HMGCLL1: variants seen among roughly 807,000 people sequenced by gnomAD.
HMGCLL1 encodes the protein 3-hydroxy-3-methylglutaryl-CoA lyase like 1, also known as 3-hydroxymethyl-3-methylglutaryl-CoA lyase, cytoplasmic.
HMGCLL1 carries 36 observed loss-of-function variants against 39.1 expected under a neutral mutation model. That is an observed-to-expected ratio of 0.92 (90% confidence interval 0.71 to 1.22). HMGCLL1 has a LOEUF of 1.22. HMGCLL1 is among the 50% of genes most tolerant of loss of function. HMGCLL1 has a pLI of 0.00. For synonymous variants in HMGCLL1, 149 were observed against 144.0 expected (o/e 1.03, Z -0.25); for missense variants, 451 against 416.5 (o/e 1.08, Z -0.72).
chr6:55,603,651 G>T, the HMGCLL1 span, among the ~76,000 whole-genome samples: 1 of 152,068 alleles, frequency 6.6e-6, no homozygotes, highest in Non-Finnish European at 1.5e-5. Flanking sequence ...GGGGAAAACT[G>T]GTAGTATCTT....
At chr6:55,486,475 C>T (rs914133709) in intron 7 of HMGCLL1, among the ~76,000 whole-genome samples, 11 of 152,032 alleles carry the variant, frequency 7.2e-5, no homozygotes, top group East Asian at 1.9e-4. Flanking sequence ...CTGTGGAAGA[C>T]GAACTCATTA....
At chr6:55,628,172 ATAC>A in the HMGCLL1 span, among the ~76,000 whole-genome samples, 32 of 46,858 alleles carry the variant, frequency 6.8e-4, 1 homozygote, top group African/African-American at 2.3e-3. Context: ...TATAGTATAT[ATAC>A]TATATATATA....
intron 7 of HMGCLL1, among the ~76,000 whole-genome samples, chr6:55,461,738 A>G (rs995982638): frequency 6.6e-6 from 1 of 152,148 alleles, no homozygotes; most frequent in Non-Finnish European, 1.5e-5. Flanking sequence ...TTTTAAATGT[A>G]GGTACACTTG....
At chr6:55,504,761 T>C (rs1767069495) in intron 5 of HMGCLL1, among the ~76,000 whole-genome samples, 1 of 151,750 alleles carries the variant, frequency 6.6e-6, no homozygotes, top group Admixed American at 6.6e-5. Flanking sequence ...ATTCAATTGC[T>C]ATTTCTTGTA....
At chr6:55,651,144 G>A in the HMGCLL1 span, among the ~76,000 whole-genome samples, 1 of 152,076 alleles carries the variant, frequency 6.6e-6, no homozygotes, top group Non-Finnish European at 1.5e-5. Context: ...CTGCAAATGT[G>A]CTGGGTCTCC....
At chr6:55,521,898 C>T (rs544315592) in intron 3 of HMGCLL1, among the ~76,000 whole-genome samples, 1 of 152,154 alleles carries the variant, frequency 6.6e-6, no homozygotes, top group East Asian at 1.9e-4. Flanking sequence ...AGGTGATAAA[C>T]CAGGCCTCTT....
chr6:55,582,850 A>G (rs1772008046), upstream of HMGCLL1, among the ~76,000 whole-genome samples: 1 of 152,042 alleles, frequency 6.6e-6, no homozygotes, highest in South Asian at 2.1e-4. Flanking sequence ...TATTGGCTGT[A>G]CGATACCTGT....
chr6:55,603,433 A>C, the HMGCLL1 span, among the ~76,000 whole-genome samples: 1 of 145,662 alleles, frequency 6.9e-6, no homozygotes, highest in African/African-American at 2.5e-5. Context: ...CTCTTGCTAC[A>C]CACAAATATC....
chr6:55,659,546 C>T, the HMGCLL1 span, among the ~76,000 whole-genome samples: 22 of 151,956 alleles, frequency 1.4e-4, no homozygotes, highest in East Asian at 4.1e-3. Context: ...GAAGGAAATG[C>T]AATTAGAAGA....
Position 55,514,088 on chromosome 6 carries a change from C to A in HMGCLL1, c.502G>T (p.Val168Phe). Residue 168 changes from valine to phenylalanine, a missense_variant, in exon 5 of 9, where the codon GTT becomes TTT. Physicochemically the swap from Val to Phe is conservative, Grantham distance 50. Transcript: ENST00000274901. ...IEESMGKFEE[V>F]VKSARHMNIP... Reference sequence around the variant, plus strand: ...TTCATGTGTCTTGCAGACTTAACAACCTCCTCAAATTTTCCCATACTTTCT... The same window carrying A: ...TTCATGTGTCTTGCAGACTTAACAAACTCCTCAAATTTTCCCATACTTTCT... The A allele has an allele frequency of 6.2e-7, 1 of 1,613,128 alleles. No individual in the cohort carries two copies.
chr6:55,646,877 G>A, the HMGCLL1 span, among the ~76,000 whole-genome samples: 1 of 151,962 alleles, frequency 6.6e-6, no homozygotes, highest in Non-Finnish European at 1.5e-5. Flanking sequence ...TGGATGAAAT[G>A]TTCTGATAAT....
the HMGCLL1 span, among the ~76,000 whole-genome samples, chr6:55,664,774 A>C: frequency 6.6e-6 from 1 of 151,694 alleles, no homozygotes; most frequent in Non-Finnish European, 1.5e-5. Context: ...TGCTAGGGCT[A>C]AAGGATACAC....
intron 7 of HMGCLL1, among the ~76,000 whole-genome samples, chr6:55,487,421 T>C (rs1766089139): frequency 6.6e-6 from 1 of 152,022 alleles, no homozygotes; most frequent in African/African-American, 2.4e-5. Context: ...ACATTAGGTA[T>C]TTCTCCTAAA....
At chr6:55,670,217 A>G in the HMGCLL1 span, among the ~76,000 whole-genome samples, 10 of 151,944 alleles carry the variant, frequency 6.6e-5, no homozygotes, top group African/African-American at 2.2e-4. Context: ...CAGCCTGGAA[A>G]GAGAACTGTC....
At chr6:55,583,295 T>C (rs1772015488), upstream of HMGCLL1, among the ~76,000 whole-genome samples, 1 of 152,040 alleles carries the variant, frequency 6.6e-6, no homozygotes, top group South Asian at 2.1e-4. Context: ...GCTGCACCCA[T>C]TAACTAGTCA....
chr6:55,576,053 G>A (rs1771746247), intron 1 of HMGCLL1, among the ~76,000 whole-genome samples: 3 of 152,240 alleles, frequency 2.0e-5, no homozygotes, highest in South Asian at 4.1e-4. Context: ...TGAGAATCCC[G>A]TGGTGAATTG....
the HMGCLL1 span, among the ~76,000 whole-genome samples, chr6:55,610,994 T>G: frequency 3.6e-3 from 550 of 152,236 alleles, 1 homozygote; most frequent in Non-Finnish European, 6.4e-3. Context: ...CTCAAAAATC[T>G]ATCACATAAT....
At chr6:55,659,946 G>T in the HMGCLL1 span, among the ~76,000 whole-genome samples, 1 of 151,718 alleles carries the variant, frequency 6.6e-6, no homozygotes, top group African/African-American at 2.4e-5. Context: ...CAGAAGTTTG[G>T]GATTCATTGA....
intron 1 of HMGCLL1, among the ~76,000 whole-genome samples, chr6:55,557,598 C>A (rs1462880587): frequency 6.6e-6 from 1 of 152,036 alleles, no homozygotes; most frequent in Non-Finnish European, 1.5e-5. Flanking sequence ...TTCCAGGTGA[C>A]CTATTTCATT....
Sources: gnomAD v4.1 joint callset for allele counts (sites outside exome capture counted in the v4.1 genomes callset) on GRCh38, gnomAD v4.1.1 for gene constraint, MANE v1.5 for transcripts, NCBI Gene and HGNC (gene_info 2026-07-23, HGNC 2026-07-21) for gene names.